The following DOCK3 variants were observed in gnomAD, a reference collection of about 807,000 sequenced individuals.
DOCK3 encodes the protein dedicator of cytokinesis protein 3.
In DOCK3, 60 loss-of-function variants were observed where a neutral mutation model predicts 265.6. That is an observed-to-expected ratio of 0.23 (90% CI 0.18 to 0.28). The LOEUF is 0.28. Ranked by LOEUF, DOCK3 falls within the 10% of genes least tolerant of loss-of-function variation. DOCK3 has a pLI of 1.00. For synonymous variants in DOCK3, 881 were observed against 938.0 expected (o/e 0.94, Z 1.11); for missense variants, 1,981 against 2,594.3 (o/e 0.76, Z 5.14).
At chr3:51,266,796 G>A (rs2108828427) in intron 23 of DOCK3, among the ~76,000 whole-genome samples, 1 of 152,212 alleles carries the variant, frequency 6.6e-6, no homozygotes, top group South Asian at 2.1e-4. Context: ...AACACCAAAA[G>A]CAGTGGCATC....
intron 7 of DOCK3, among the ~76,000 whole-genome samples, chr3:51,085,200 G>C (rs147399012): frequency 6.4e-4 from 97 of 152,286 alleles, no homozygotes; most frequent in African/African-American, 2.2e-3. Context: ...GAGCAAAAGA[G>C]TTCAACAGAC....
At chr3:51,222,172 T>G (rs935500920) in intron 14 of DOCK3, among the ~76,000 whole-genome samples, 1 of 152,192 alleles carries the variant, frequency 6.6e-6, no homozygotes, top group Admixed American at 6.5e-5. Context: ...AGCTTTCTCT[T>G]TCTCATCTTC....
At chr3:51,151,700 A>C (rs867377404) in intron 10 of DOCK3, among the ~76,000 whole-genome samples, 2 of 152,156 alleles carry the variant, frequency 1.3e-5, no homozygotes, top group Non-Finnish European at 2.9e-5. Flanking sequence ...GGTGGTGACA[A>C]AGTCTCTCAG....
At chr3:51,316,336 C>T (rs1297711357) in intron 32 of DOCK3, among the ~76,000 whole-genome samples, 1 of 152,192 alleles carries the variant, frequency 6.6e-6, no homozygotes, top group Non-Finnish European at 1.5e-5. Flanking sequence ...CTTTTCTATG[C>T]TGAGTAGTAT....
intron 12 of DOCK3, among the ~76,000 whole-genome samples, chr3:51,189,276 T>A (rs986912774): frequency 8.5e-5 from 13 of 152,172 alleles, no homozygotes; most frequent in African/African-American, 2.7e-4. Context: ...TTTTTTTTAT[T>A]TCAATAGCTT....
intron 9 of DOCK3, among the ~76,000 whole-genome samples, chr3:51,097,999 A>G (rs922398206): frequency 1.3e-5 from 2 of 152,066 alleles, no homozygotes; most frequent in Non-Finnish European, 2.9e-5. Context: ...AAATGCAGAA[A>G]TCATCTGCCT....
Position 50,820,508 on chromosome 3 carries a change from CT to C in DOCK3, c.122-21160del, listed in dbSNP as rs1010920297. 5.9e-5 allele frequency among the ~76,000 whole-genome samples: 9 copies of C among 152,290 alleles called. No homozygotes were observed. The South Asian group carries it at 1.2e-3, about 21-fold the overall frequency. On this transcript the variant is annotated intron_variant, in intron 2 of 52. Transcript: ENST00000266037. Reference sequence around the variant, plus strand: ...TTGCTACAAAGGACGTGATTTCATTCTTTTTTTATGGCTGCATAGTATTCCA... The same window carrying C: ...TTGCTACAAAGGACGTGATTTCATTCTTTTTTATGGCTGCATAGTATTCCA...
At chr3:51,248,242 T>C (rs1202174252) in intron 22 of DOCK3, among the ~76,000 whole-genome samples, 1 of 152,210 alleles carries the variant, frequency 6.6e-6, no homozygotes, top group East Asian at 1.9e-4. Context: ...ACAAAGTCAG[T>C]TTAAAAAACA....
intron 9 of DOCK3, among the ~76,000 whole-genome samples, chr3:51,107,740 A>G (rs2083347937): frequency 6.6e-6 from 1 of 152,224 alleles, no homozygotes; most frequent in Non-Finnish European, 1.5e-5. Flanking sequence ...GATCGGGAAA[A>G]TGGAAAGAAC....
intron 48 of DOCK3, 103 bp from the exon 49 acceptor site, chr3:51,362,424 C>A: frequency 6.9e-7 from 1 of 1,452,598 alleles, no homozygotes. Flanking sequence ...TAGCATAAGG[C>A]ACTGGGGCAG....
At chr3:50,974,144 T>A (rs1293601240) in intron 5 of DOCK3, among the ~76,000 whole-genome samples, 1 of 151,870 alleles carries the variant, frequency 6.6e-6, no homozygotes, top group Admixed American at 6.6e-5. Context: ...TTTAGTTTAA[T>A]TAGATCCCAT....
chr3:51,334,047 T>C (rs1159356890), intron 35 of DOCK3, among the ~76,000 whole-genome samples: 5 of 152,010 alleles, frequency 3.3e-5, no homozygotes, highest in Non-Finnish European at 7.4e-5. Flanking sequence ...GTTCCCACTG[T>C]GTTGCCCAGG....
intron 10 of DOCK3, among the ~76,000 whole-genome samples, chr3:51,154,686 T>A (rs1046113066): frequency 2.0e-5 from 3 of 152,250 alleles, no homozygotes; most frequent in Non-Finnish European, 4.4e-5. Context: ...GGAACAGAGC[T>A]GCGTGCATGT....
chr3:50,986,638 T>C (rs2077912454), intron 5 of DOCK3, among the ~76,000 whole-genome samples: 1 of 152,244 alleles, frequency 6.6e-6, no homozygotes, highest in Non-Finnish European at 1.5e-5. Context: ...TTTTGGATTT[T>C]CTCTGTTAAC....
At chr3:51,117,497 G>A (rs936495270) in intron 9 of DOCK3, among the ~76,000 whole-genome samples, 1 of 152,126 alleles carries the variant, frequency 6.6e-6, no homozygotes, top group Admixed American at 6.6e-5. Context: ...TTAGGGAGGA[G>A]TCCTTCTTTT....
intron 2 of DOCK3, among the ~76,000 whole-genome samples, chr3:50,831,489 C>A (rs1265249436): frequency 3.3e-5 from 5 of 151,988 alleles, no homozygotes. Context: ...TTTGGTTTTT[C>A]TGTTTCTGTG....
At chr3:51,256,888 C>T (rs968835103) in intron 22 of DOCK3, among the ~76,000 whole-genome samples, 2 of 152,214 alleles carry the variant, frequency 1.3e-5, no homozygotes, top group African/African-American at 4.8e-5. Flanking sequence ...AGCCATTGCA[C>T]CCATCCCCAA....
intron 5 of DOCK3, among the ~76,000 whole-genome samples, chr3:51,047,052 T>G (rs1374313179): frequency 6.6e-6 from 1 of 152,054 alleles, no homozygotes; most frequent in Non-Finnish European, 1.5e-5. Context: ...TACAAAGAGA[T>G]AAATTTATAG....
intron 9 of DOCK3, among the ~76,000 whole-genome samples, chr3:51,120,249 C>T (rs1385170358): frequency 6.6e-6 from 1 of 152,158 alleles, no homozygotes; most frequent in Non-Finnish European, 1.5e-5. Flanking sequence ...CTGGAGTTTG[C>T]TAGGGGTCTA....
Sources: allele counts gnomAD v4.1 joint callset (sites outside exome capture counted in the v4.1 genomes callset), GRCh38; gene constraint gnomAD v4.1.1; transcripts MANE v1.5; gene names NCBI Gene and HGNC (gene_info 2026-07-23, HGNC 2026-07-21).